The following PPL variants were observed in gnomAD, a reference collection of about 807,000 sequenced individuals.
The protein encoded by PPL is 190 kDa paraneoplastic pemphigus antigen.
In PPL, 198 loss-of-function variants were observed where a neutral mutation model predicts 194.4. The ratio of observed to expected loss-of-function variants is 1.02; its 90% CI spans 0.91 to 1.15. The LOEUF is 1.15. PPL is among the 50% of genes most tolerant of loss of function. The pLI, the probability that PPL is intolerant of heterozygous loss-of-function variation, is 0.00. For missense variants in PPL, 2,885 were observed against 2,294.8 expected, an observed-to-expected ratio of 1.26 and a Z score of -5.25; for synonymous variants, 1,220 against 972.4, an observed-to-expected ratio of 1.25 and a Z score of -4.74.
In PPL at chr16:4,883,494, T is replaced by TGGA. The variant is rs1350668960; in HGVS notation, c.5158_5160dup (p.Ser1720dup). On this transcript the variant is annotated inframe_insertion, in exon 22 of 22. Transcript: ENST00000345988. This position sits in a 1 kb window ranked among gnomAD's most constrained non-coding sequence, Gnocchi z 4.8. The stretch of plus-strand genomic sequence containing the variant: ...CTGCCACTCTGCAGGGCCTCTTCGA[T>TGGA]GGAGAACTTCTTGCCAGACTTCCTG... 1 of 1,614,228 alleles carries TGGA rather than the reference T, an allele frequency of 6.2e-7. No individual in the cohort carries two copies.
intron 1 of PPL, among the ~76,000 whole-genome samples, chr16:4,918,156 G>A (rs948931206): frequency 5.9e-5 from 9 of 152,004 alleles, no homozygotes; most frequent in Non-Finnish European, 1.2e-4. Flanking sequence ...AGCCAGGCAT[G>A]ATGGCAGGTA....
At position 4,883,847 on chromosome 16, in the gene PPL, T is replaced by A. The variant is rs756652620; in HGVS notation, c.4808A>T (p.Asp1603Val). The change falls in exon 22 of 22, where the codon GAC becomes GTC. Residue 1603 changes from aspartate (D) to valine (V), a missense_variant. Transcript: ENST00000345988. The surrounding 1 kb of genome is among the most constrained non-coding windows in gnomAD (Gnocchi z 4.8). ...TRDLRNMTVA[D>V]SGTNHDSRLW... ...TCTGGAGTCATGGTTGGTCCCAGAG[T>A]CCGCCACGGTCATGTTCCGCAGGTC... 6.2e-7 allele frequency: 1 copy of A among 1,613,970 alleles called. No homozygotes were observed. The highest frequency in any genetic ancestry group is 8.5e-7 in the Non-Finnish European group (1 of 1,180,006).
chr16:4,895,234 G>A, intron 11 of PPL, 27 bp downstream of exon 11: 3 of 1,578,712 alleles, frequency 1.9e-6, no homozygotes, highest in Non-Finnish European at 2.6e-6. Flanking sequence ...TTGTAGTGAT[G>A]TGAACAGAGG....
chr16:4,929,118 T>A (rs1596590713), intron 1 of PPL, among the ~76,000 whole-genome samples: 1 of 151,608 alleles, frequency 6.6e-6, no homozygotes, highest in Non-Finnish European at 1.5e-5. Context: ...AGGGTAGAAT[T>A]TATCTCAGAC....
intron 2 of PPL, among the ~76,000 whole-genome samples, chr16:4,907,412 G>T (rs1323260684): frequency 6.6e-6 from 1 of 151,912 alleles, no homozygotes; most frequent in East Asian, 1.9e-4. Context: ...TCAGGTGGTG[G>T]GATATGGGTG....
chr16:4,912,920 A>G (rs1227488399), intron 1 of PPL, among the ~76,000 whole-genome samples: 1 of 152,182 alleles, frequency 6.6e-6, no homozygotes, highest in Non-Finnish European at 1.5e-5. Flanking sequence ...CCTGGCCAAC[A>G]TGGTGAAACC....
chr16:4,898,938 G>A, intron 8 of PPL, 75 bp downstream of exon 8: 1 of 1,251,200 alleles, frequency 8.0e-7, no homozygotes, highest in Non-Finnish European at 1.2e-6. Flanking sequence ...GTCTGCCCGA[G>A]CTCCAGGCGG....
intron 1 of PPL, among the ~76,000 whole-genome samples, chr16:4,929,498 C>T (rs903101669): frequency 1.3e-5 from 2 of 152,194 alleles, no homozygotes; most frequent in Non-Finnish European, 2.9e-5. Context: ...TCTACTCAGA[C>T]ATGCAGAAAA....
At chr16:4,918,880 G>C (rs568664379) in intron 1 of PPL, among the ~76,000 whole-genome samples, 1 of 152,164 alleles carries the variant, frequency 6.6e-6, no homozygotes, top group Non-Finnish European at 1.5e-5. Context: ...CAGGTCCCAG[G>C]AGTGCTGGGA....
chr16:4,900,664 G>A (rs1309544680), intron 6 of PPL, among the ~76,000 whole-genome samples, 166 bp downstream of exon 6: 1 of 151,708 alleles, frequency 6.6e-6, no homozygotes, highest in African/African-American at 2.4e-5. Context: ...TCTCAAACTC[G>A]TGGGCTCAAG....
In PPL at chr16:4,884,850, T is replaced by A. The variant is rs1567984067; in HGVS notation, c.3805A>T (p.Ile1269Phe). Residue 1269 changes from isoleucine (I) to phenylalanine (F), a missense_variant, in exon 22 of 22, where the codon ATC becomes TTC. Physicochemically the swap from Ile to Phe is conservative, Grantham distance 21. Coordinates refer to ENST00000345988, the MANE Select transcript of PPL (RefSeq NM_002705.5). The surrounding 1 kb of genome is among the most constrained non-coding windows in gnomAD (Gnocchi z 5.7). ...TRLIERCDLE[I>F]YQLKKEIQAL... is the part of the protein sequence containing the mutation. ...TGGATTTCCTTTTTCAGCTGGTAGA[T>A]CTCTAAATCACACCTTTCGATCAGT... The A allele has an allele frequency of 3.1e-6, 5 of 1,614,126 alleles. No individual in the cohort carries two copies. Among genetic ancestry groups the A allele is most frequent in the Non-Finnish European group, 4.2e-6 (5 of 1,180,018 alleles).
intron 1 of PPL, among the ~76,000 whole-genome samples, chr16:4,936,073 A>G (rs1426613254): frequency 6.6e-6 from 1 of 152,092 alleles, no homozygotes; most frequent in Non-Finnish European, 1.5e-5. Context: ...GCTCCCCTAA[A>G]CCGGTTATTA....
At chr16:4,912,910 C>G (rs531985564) in intron 1 of PPL, among the ~76,000 whole-genome samples, 118 of 152,316 alleles carry the variant, frequency 7.7e-4, no homozygotes, top group African/African-American at 2.7e-3. Context: ...TTGAGACCAG[C>G]CTGGCCAACA....
chr16:4,934,599 G>GC (rs934462528), intron 1 of PPL, among the ~76,000 whole-genome samples: 17 of 152,156 alleles, frequency 1.1e-4, no homozygotes, highest in African/African-American at 4.1e-4. Context: ...AGCTCCTACT[G>GC]CCCCCCATGC....
intron 6 of PPL, 28 bp downstream of exon 6, chr16:4,900,802 G>C (rs1400018006): frequency 6.2e-7 from 1 of 1,613,934 alleles, no homozygotes; most frequent in South Asian, 1.1e-5. Flanking sequence ...CTCTCCCCAT[G>C]AGGCCTTTCC....
intron 1 of PPL, among the ~76,000 whole-genome samples, chr16:4,935,575 G>A (rs1389382466): frequency 6.6e-6 from 1 of 152,186 alleles, no homozygotes; most frequent in African/African-American, 2.4e-5. Context: ...GTGAAAGATA[G>A]GGGAGGGGTG....
chr16:4,910,810 C>T (rs775097191), intron 2 of PPL, 40 bp downstream of exon 2: 1 of 1,550,388 alleles, frequency 6.4e-7, no homozygotes, highest in Admixed American at 1.7e-5. Context: ...GGGCTGGCAG[C>T]ACGGGGCACC....
rs376965172 is a variant in PPL at position 4,890,769 on chromosome 16, C to A, written c.2121G>T (p.Leu707=). 10 of 1,609,784 alleles carry A rather than the reference C, an allele frequency of 6.2e-6. No homozygotes were observed. Among genetic ancestry groups the A allele is most frequent in the Non-Finnish European group, 7.6e-6 (9 of 1,178,572 alleles). Reference sequence around the variant, plus strand: ...GGCGCAGGTTGTTGAAACGCTGGCCCAGCTTGTGCACCTCGGCCTCCTGGC... The same window carrying A: ...GGCGCAGGTTGTTGAAACGCTGGCCAAGCTTGTGCACCTCGGCCTCCTGGC... ...LERQEAEVHK[L]GQRFNNLRQQ... is the part of the protein sequence containing the mutation. The change falls in exon 17 of 22, where the codon CTG becomes CTT. Residue 707 remains leucine (L), a synonymous_variant. Transcript: ENST00000345988.
chr16:4,895,269 C>T lies in PPL; in HGVS notation c.1234G>A (p.Gly412Arg). ...GAGCTGGCCCCACGCACCTGCTCCCCCTCAAAGTCACAGAGTGCCTCCACG... is the reference window on the plus strand; with the variant it reads ...GAGCTGGCCCCACGCACCTGCTCCCTCTCAAAGTCACAGAGTGCCTCCACG... ...IPVEALCDFE[G>R]EQGLISRGYS... Residue 412 changes from glycine to arginine, a missense_variant, in exon 11 of 22, where the codon GGG becomes AGG. Gly to Arg is a moderately radical substitution (Grantham distance 125). Coordinates refer to ENST00000345988, the MANE Select transcript of PPL (RefSeq NM_002705.5). The T allele has an allele frequency of 1.2e-6, 2 of 1,605,228 alleles. No homozygotes were observed. Among genetic ancestry groups the T allele is most frequent in the Non-Finnish European group, 1.7e-6 (2 of 1,175,018 alleles).
Sources: allele counts gnomAD v4.1 joint callset (sites outside exome capture counted in the v4.1 genomes callset), GRCh38; gene constraint gnomAD v4.1.1; non-coding constraint Gnocchi (gnomAD v3.1); transcripts MANE v1.5; gene names NCBI Gene and HGNC (gene_info 2026-07-23, HGNC 2026-07-21).